The following CRACD variants were observed in gnomAD, a reference collection of about 807,000 sequenced individuals.
CRACD encodes capping protein-inhibiting regulator of actin dynamics.
Under a neutral mutation model 106.8 loss-of-function variants are expected in CRACD, and 56 were observed. The ratio of observed to expected loss-of-function variants is 0.52; its 90% CI spans 0.42 to 0.66. CRACD has a LOEUF of 0.66. CRACD is among the 30% of genes least tolerant of loss of function. The pLI is 0.00. For synonymous variants in CRACD, 754 were observed against 670.8 expected (o/e 1.12, Z -1.92); for missense variants, 1,730 against 1,623.2 (o/e 1.07, Z -1.13).
At position 56,316,632 on chromosome 4, in the gene CRACD, C is replaced by T. The variant is rs762703962; in HGVS notation, c.3130C>T (p.Pro1044Ser). 1.9e-6 allele frequency: 3 copies of T among 1,612,804 alleles called. No individual in the cohort carries two copies. The highest frequency in any genetic ancestry group is 2.7e-5 in the African/African-American group (2 of 74,910). ...GACAGAGAGGAAACCTGCTTCCCCA[C>T]CTCTGCCTGCCACTCAGCAAGAGAA... Reference protein sequence around the residue: ...EATERKPASPPLPATQQEKPS... With the variant: ...EATERKPASPSLPATQQEKPS... The change falls in exon 8 of 11, where the codon CCT becomes TCT. Residue 1044 changes from proline to serine, a missense_variant. Coordinates refer to ENST00000682029, the MANE Select transcript of CRACD (RefSeq NM_001393381.1).
intron 2 of CRACD, among the ~76,000 whole-genome samples, chr4:56,228,005 C>G (rs774962576): frequency 6.6e-6 from 1 of 152,136 alleles, no homozygotes; most frequent in Non-Finnish European, 1.5e-5. Context: ...TAAGGAGCAT[C>G]AGGTCAGTCA....
At chr4:56,284,786 T>C (rs1743241624) in intron 3 of CRACD, among the ~76,000 whole-genome samples, 1 of 151,422 alleles carries the variant, frequency 6.6e-6, no homozygotes, top group Admixed American at 6.6e-5. Flanking sequence ...TGCAAAGCAC[T>C]TTTATTTTCT....
chr4:56,295,934 T>C (rs1020830242), intron 3 of CRACD, among the ~76,000 whole-genome samples: 1 of 152,078 alleles, frequency 6.6e-6, no homozygotes, highest in South Asian at 2.1e-4. Context: ...TCATAACATA[T>C]TAATCTCCCT....
Position 56,329,833 on chromosome 4 carries a change from G to A in CRACD, c.*2029G>A, listed in dbSNP as rs1319663360. On this transcript the variant is annotated 3_prime_UTR_variant, in exon 11 of 11. Transcript: ENST00000682029. ...AATATCCCAATTATGGCAGGGAACA[G>A]GTGGGGAACTAAGATCAGTTACAAA... Among the ~76,000 whole-genome samples, 1 of 152,150 alleles carries A rather than the reference G, an allele frequency of 6.6e-6. No homozygotes were observed. Among genetic ancestry groups the A allele is most frequent in the Non-Finnish European group, 1.5e-5 (1 of 68,024 alleles).
chr4:56,069,941 T>C (rs141316880), intron 1 of CRACD, among the ~76,000 whole-genome samples: 2 of 152,366 alleles, frequency 1.3e-5, no homozygotes, highest in Admixed American at 1.3e-4. Flanking sequence ...CAGCTCTGCA[T>C]ATAATGGGTG....
intron 3 of CRACD, among the ~76,000 whole-genome samples, chr4:56,282,955 A>G (rs1743115183): frequency 6.6e-6 from 1 of 152,218 alleles, no homozygotes; most frequent in Non-Finnish European, 1.5e-5. Flanking sequence ...CCTTAGCTCT[A>G]AGTGCCTAGT....
At position 56,328,035 on chromosome 4, in the gene CRACD, C is replaced by T. The variant is rs1054203622; in HGVS notation, c.*231C>T. The T allele has an allele frequency of 5.9e-5, 26 of 437,674 alleles. No individual in the cohort carries two copies. Among genetic ancestry groups the T allele is most frequent in the Admixed American group, 2.9e-4 (8 of 27,162 alleles). The allele number at this position is 437,674 out of a possible 1,614,324, so 27.1% of individuals were successfully genotyped here. A position where few individuals can be genotyped will look rare whatever the true frequency, so the allele number is the denominator to read the frequency against. Reference sequence around the variant, plus strand: ...CCTCCTAGTTCTCAAGAGAAAATTCCGTCCACAGGACCACATGAAGCAAAA... The same window carrying T: ...CCTCCTAGTTCTCAAGAGAAAATTCTGTCCACAGGACCACATGAAGCAAAA... On this transcript the variant is annotated 3_prime_UTR_variant, in exon 11 of 11. Coordinates refer to ENST00000682029, the MANE Select transcript of CRACD (RefSeq NM_001393381.1).
intron 5 of CRACD, among the ~76,000 whole-genome samples, chr4:56,309,281 A>G (rs1437054393): frequency 6.6e-6 from 1 of 152,180 alleles, no homozygotes; most frequent in Non-Finnish European, 1.5e-5. Context: ...TTTTAAGCAG[A>G]GCAGTGACAT....
Position 56,316,186 on chromosome 4 carries a change from T to G in CRACD, c.2684T>G (p.Met895Arg), listed in dbSNP as rs372660080. Residue 895 changes from methionine to arginine, a missense_variant, in exon 8 of 11, where the codon ATG becomes AGG. Coordinates refer to ENST00000682029, the MANE Select transcript of CRACD (RefSeq NM_001393381.1). ...AAGSARGEKE[M>R]EGVALKHGPS... ...GGGAGCGCTCGTGGAGAGAAAGAGA[T>G]GGAGGGTGTGGCCCTCAAGCATGGT... 1.2e-6 allele frequency: 2 copies of G among 1,614,040 alleles called. No homozygotes were observed. Among genetic ancestry groups the G allele is most frequent in the Non-Finnish European group, 1.7e-6 (2 of 1,180,008 alleles).
rs117675991 is a variant in CRACD at position 56,188,782 on chromosome 4, T to C, written c.-189+9352T>C. On this transcript the variant is annotated intron_variant, in intron 2 of 10. Coordinates refer to ENST00000682029, the MANE Select transcript of CRACD (RefSeq NM_001393381.1). ...CTTATAATTTTTGGTAAATATGTCA[T>C]ATCCCCTACTAAGTGACCACCTCCT... Among the ~76,000 whole-genome samples, 529 of 151,500 alleles carry C rather than the reference T, an allele frequency of 3.5e-3. 13 individuals are homozygous for C. The East Asian group carries it at 0.09, about 26-fold the overall frequency.
chr4:56,100,017 C>T (rs1056137739), intron 1 of CRACD, among the ~76,000 whole-genome samples: 7 of 152,018 alleles, frequency 4.6e-5, no homozygotes, highest in Admixed American at 1.3e-4. Flanking sequence ...CCGAGACGGG[C>T]GGATCACGAG....
chr4:56,132,669 A>G (rs1734864377), intron 1 of CRACD, among the ~76,000 whole-genome samples: 1 of 151,984 alleles, frequency 6.6e-6, no homozygotes, highest in African/African-American at 2.4e-5. Context: ...ATTTCACTTC[A>G]TCTTGCTTGG....
intron 1 of CRACD, among the ~76,000 whole-genome samples, chr4:56,154,175 A>G (rs1735685500): frequency 6.6e-6 from 1 of 152,158 alleles, no homozygotes; most frequent in Non-Finnish European, 1.5e-5. Context: ...AGATTTAAAT[A>G]TGATTGTTGG....
chr4:56,246,051 G>A (rs760739367), intron 2 of CRACD, among the ~76,000 whole-genome samples: 8 of 152,172 alleles, frequency 5.3e-5, no homozygotes, highest in Non-Finnish European at 1.0e-4. Flanking sequence ...AGGAGGCATT[G>A]GCCACAGCCT....
Position 56,314,888 on chromosome 4 carries a change from A to G in CRACD, c.1386A>G (p.Arg462=). 1 of 1,610,932 alleles carries G rather than the reference A, an allele frequency of 6.2e-7. No individual in the cohort carries two copies. The highest frequency in any genetic ancestry group is 8.5e-7 in the Non-Finnish European group (1 of 1,179,200). Residue 462 remains arginine (R), a synonymous_variant, in exon 8 of 11, where the codon AGA becomes AGG. Transcript: ENST00000682029. This position sits in a 1 kb window ranked among gnomAD's most constrained non-coding sequence, Gnocchi z 4.4. ...EEQNPEAERR[R]EQQGRSGDFQ... is the part of the protein sequence containing the mutation. ...AGAACCCAGAGGCCGAGCGGCGAAGAGAGCAGCAGGGAAGGAGCGGGGATT... is the reference window on the plus strand; with the variant it reads ...AGAACCCAGAGGCCGAGCGGCGAAGGGAGCAGCAGGGAAGGAGCGGGGATT...
rs953842797 is a variant in CRACD at position 56,272,384 on chromosome 4, A to T, written c.-125A>T. The stretch of plus-strand genomic sequence containing the variant: ...TTGTTTGGCAAAAGGAAAAAGAAAG[A>T]CCCTTCGTTGTTCCGGGTGCCGTCG... On this transcript the variant is annotated 5_prime_UTR_variant, in exon 3 of 11. Transcript: ENST00000682029. The T allele has an allele frequency of 6.6e-6, 1 of 152,666 alleles. No individual in the cohort carries two copies. Among genetic ancestry groups the T allele is most frequent in the Non-Finnish European group, 1.5e-5 (1 of 68,040 alleles). The allele number at this position is 152,666 out of a possible 1,614,324, so 9.5% of individuals were successfully genotyped here.
At chr4:56,263,601 TGGCCC>T (rs1163712721) in intron 2 of CRACD, among the ~76,000 whole-genome samples, 1 of 152,208 alleles carries the variant, frequency 6.6e-6, no homozygotes, top group African/African-American at 2.4e-5. Context: ...TATTGGATTG[TGGCCC>T]ACCCTACTTA....
chr4:56,087,013 T>C (rs1448804205), intron 1 of CRACD, among the ~76,000 whole-genome samples: 2 of 152,070 alleles, frequency 1.3e-5, no homozygotes, highest in Non-Finnish European at 1.5e-5. Context: ...CTAGGGATTT[T>C]GTCTTTTTTT....
intron 1 of CRACD, among the ~76,000 whole-genome samples, chr4:56,088,339 T>G (rs1733302851): frequency 6.6e-6 from 1 of 152,004 alleles, no homozygotes; most frequent in Admixed American, 6.6e-5. Context: ...TGTTCCCAGC[T>G]TATTTATTTA....
Sources: gnomAD v4.1 joint callset for allele counts (sites outside exome capture counted in the v4.1 genomes callset) on GRCh38, gnomAD v4.1.1 for gene constraint, Gnocchi (gnomAD v3.1) non-coding constraint, MANE v1.5 for transcripts, NCBI Gene and HGNC (gene_info 2026-07-23, HGNC 2026-07-21) for gene names.